The following CHCHD3 variants were observed in gnomAD, a reference collection of about 807,000 sequenced individuals.
CHCHD3 encodes MICOS complex subunit MIC19.
A neutral mutation model predicts 38.2 loss-of-function variants in CHCHD3; 20 were observed. That is an observed-to-expected ratio of 0.52 (90% CI 0.37 to 0.76). The LOEUF (loss-of-function observed/expected upper bound fraction) is 0.76, where lower values mean the gene tolerates loss of function less well. Among genes scored for constraint, CHCHD3 ranks in the 30% least tolerant of loss-of-function variants. The pLI is 0.00. For missense variants in CHCHD3, 245 were observed against 279.2 expected (o/e 0.88, Z 0.87); for synonymous variants, 82 against 100.0 (o/e 0.82, Z 1.07).
At chr7:132,973,187 TC>T in intron 4 of CHCHD3, 1 of 985,158 alleles carries the variant, frequency 1.0e-6, no homozygotes, top group Non-Finnish European at 1.2e-6. Context: ...AAAGAGTGCT[TC>T]AAAGATAAGA....
intron 4 of CHCHD3, among the ~76,000 whole-genome samples, chr7:132,953,019 G>C (rs1267630489): frequency 6.6e-6 from 1 of 152,132 alleles, no homozygotes; most frequent in Non-Finnish European, 1.5e-5. Context: ...TATGCCAATA[G>C]CTGCCTACTC....
intron 4 of CHCHD3, chr7:132,887,079 A>G (rs1408939157): frequency 1.7e-6 from 1 of 605,454 alleles, no homozygotes; most frequent in Middle Eastern, 3.4e-4. Context: ...TCTGATGGAT[A>G]ATATTTAAAA....
intron 4 of CHCHD3, among the ~76,000 whole-genome samples, chr7:132,914,965 G>A (rs141387814): frequency 4.7e-4 from 72 of 152,038 alleles, no homozygotes; most frequent in African/African-American, 1.6e-3. Context: ...AGTTTGAGAC[G>A]AGCCTGGCCA....
intron 5 of CHCHD3, among the ~76,000 whole-genome samples, chr7:132,865,463 G>C (rs1327925409): frequency 1.3e-5 from 2 of 152,142 alleles, no homozygotes; most frequent in East Asian, 3.9e-4. Context: ...CAGCAATCAG[G>C]CCTTCTCTGT....
chr7:132,875,053 G>A (rs1808860796), intron 5 of CHCHD3, among the ~76,000 whole-genome samples: 1 of 151,930 alleles, frequency 6.6e-6, no homozygotes, highest in African/African-American at 2.4e-5. Flanking sequence ...TGCAAGCTAA[G>A]AAGGACTAAA....
chr7:132,932,823 C>G (rs1047867606), intron 4 of CHCHD3, among the ~76,000 whole-genome samples: 1 of 152,218 alleles, frequency 6.6e-6, no homozygotes, highest in African/African-American at 2.4e-5. Context: ...TATCCAACTT[C>G]ATAAAATCTA....
intron 5 of CHCHD3, among the ~76,000 whole-genome samples, chr7:132,853,541 G>T (rs557268325): frequency 6.6e-6 from 1 of 152,260 alleles, no homozygotes; most frequent in South Asian, 2.1e-4. Context: ...AGAATCACTT[G>T]GACCTGGGAG....
rs1324525518 is a variant in CHCHD3 at position 132,985,813 on chromosome 7, C to T, written c.252-10527G>A. On this transcript the variant is annotated intron_variant, in intron 3 of 7. Coordinates refer to ENST00000262570, the MANE Select transcript of CHCHD3 (RefSeq NM_017812.4). ...CAGCCCCCCGCCCGGCCAGCCGCCCCGTCCGGGAGGTGAGGGGCGCCTCTG... is the reference window on the plus strand; with the variant it reads ...CAGCCCCCCGCCCGGCCAGCCGCCCTGTCCGGGAGGTGAGGGGCGCCTCTG... Among the ~76,000 whole-genome samples the T allele has an allele frequency of 2.9e-5, 3 of 103,326 alleles. 1 individual carries two copies. The highest frequency in any genetic ancestry group is 3.7e-4 in the East Asian group (1 of 2,678). The allele number at this position is 103,326 out of a possible 152,430, so 67.8% of individuals were successfully genotyped here. A position where few individuals can be genotyped will look rare whatever the true frequency, so the allele number is the denominator to read the frequency against.
rs75849241 is a variant in CHCHD3, at chr7:132,801,415, G to A, written c.525-4838C>T. 5.3e-4 allele frequency among the ~76,000 whole-genome samples: 81 copies of A among 152,324 alleles called. 1 individual carries two copies. The East Asian group carries it at 0.014, about 26-fold the overall frequency. On this transcript the variant is annotated intron_variant, in intron 6 of 7. Coordinates refer to ENST00000262570, the MANE Select transcript of CHCHD3 (RefSeq NM_017812.4). Reference sequence around the variant, plus strand: ...AAATTTCCACAATTACACTTCAGAAGTCCCTCTCTAAAGTGGTCCAAACAG... The same window carrying A: ...AAATTTCCACAATTACACTTCAGAAATCCCTCTCTAAAGTGGTCCAAACAG...
Position 132,833,508 on chromosome 7 carries a change from A to T in CHCHD3, c.524+4891T>A, listed in dbSNP as rs1000015579. 7.2e-5 allele frequency among the ~76,000 whole-genome samples: 11 copies of T among 152,322 alleles called. No individual in the cohort carries two copies. The East Asian group carries it at 1.7e-3, about 24-fold the overall frequency. On this transcript the variant is annotated intron_variant, in intron 6 of 7. Transcript: ENST00000262570. ...GAGGAGAACTAACTTTGAATTTTTT[A>T]AAAAGATCATCATTTAAAAAGTTTG...
intron 2 of CHCHD3, among the ~76,000 whole-genome samples, chr7:133,067,388 A>G (rs1357997717): frequency 2.0e-5 from 3 of 152,254 alleles, no homozygotes; most frequent in Non-Finnish European, 4.4e-5. Flanking sequence ...AACTACAGAA[A>G]CAATGGTTAT....
intron 6 of CHCHD3, among the ~76,000 whole-genome samples, chr7:132,829,834 A>G (rs1302275600): frequency 1.3e-5 from 2 of 152,156 alleles, no homozygotes; most frequent in African/African-American, 2.4e-5. Flanking sequence ...AGAGAAATTA[A>G]CAATACTCTC....
intron 4 of CHCHD3, among the ~76,000 whole-genome samples, chr7:132,934,215 A>G (rs1347846099): frequency 6.6e-6 from 1 of 152,196 alleles, no homozygotes; most frequent in Non-Finnish European, 1.5e-5. Context: ...GATGGGCTGG[A>G]AAGTCCCACT....
chr7:132,866,042 A>C (rs528542024), intron 5 of CHCHD3, among the ~76,000 whole-genome samples: 36 of 152,186 alleles, frequency 2.4e-4, no homozygotes, highest in Admixed American at 3.9e-4. Context: ...AACAACCATC[A>C]ACTGCACAAC....
chr7:132,903,432 C>T (rs1250962413), intron 4 of CHCHD3, among the ~76,000 whole-genome samples: 2 of 152,148 alleles, frequency 1.3e-5, no homozygotes, highest in African/African-American at 4.8e-5. Flanking sequence ...TTCTACACAA[C>T]CTTTTTATTT....
intron 7 of CHCHD3, among the ~76,000 whole-genome samples, chr7:132,786,796 A>AT (rs1806332061): frequency 1.3e-5 from 2 of 152,186 alleles, no homozygotes; most frequent in Admixed American, 6.5e-5. Flanking sequence ...TAATTTGCTA[A>AT]TTTTTATTTA....
chr7:132,896,873 C>T (rs1245980419), intron 4 of CHCHD3, among the ~76,000 whole-genome samples: 2 of 152,066 alleles, frequency 1.3e-5, no homozygotes, highest in African/African-American at 4.8e-5. Context: ...AGAATTAGCA[C>T]TGAAAGAGGA....
intron 4 of CHCHD3, among the ~76,000 whole-genome samples, chr7:132,949,194 G>A (rs559173662): frequency 6.6e-6 from 1 of 152,122 alleles, no homozygotes; most frequent in African/African-American, 2.4e-5. Flanking sequence ...TTTTTGCATG[G>A]CTCATATCAT....
chr7:132,942,204 C>T (rs574534583), intron 4 of CHCHD3, among the ~76,000 whole-genome samples: 6 of 152,044 alleles, frequency 3.9e-5, no homozygotes, highest in East Asian at 1.9e-4. Flanking sequence ...GAAAGTCACA[C>T]GGGCAGGAGG....
Sources: allele counts gnomAD v4.1 joint callset (sites outside exome capture counted in the v4.1 genomes callset), GRCh38; gene constraint gnomAD v4.1.1; transcripts MANE v1.5; gene names NCBI Gene and HGNC (gene_info 2026-07-23, HGNC 2026-07-21).